Variants in ROBO2 observed in about 807,000 individuals in gnomAD.
ROBO2 encodes roundabout guidance receptor 2.
ROBO2 carries 53 observed loss-of-function variants against 160.8 expected under a neutral mutation model. The observed-to-expected ratio is 0.33, with a 90% CI of 0.26 to 0.41. The LOEUF is 0.41. Ranked by LOEUF, ROBO2 falls within the 10% of genes least tolerant of loss-of-function variation. The pLI is 1.00. For missense variants in ROBO2, 1,577 were observed against 1,722.4 expected (o/e 0.92, Z 1.49); for synonymous variants, 664 against 611.7 (o/e 1.09, Z -1.26).
At chr3:77,001,173 C>T (rs756231701) in intron 2 of ROBO2, among the ~76,000 whole-genome samples, 8 of 152,078 alleles carry the variant, frequency 5.3e-5, no homozygotes, top group Non-Finnish European at 7.3e-5. Context: ...AATCTGATAC[C>T]GTACTTTGAG....
intron 2 of ROBO2, among the ~76,000 whole-genome samples, chr3:76,931,482 A>G (rs568026861): frequency 9.2e-5 from 14 of 152,088 alleles, no homozygotes; most frequent in African/African-American, 3.4e-4. Flanking sequence ...ATGATCTTAC[A>G]TATTTAATTA....
At position 76,512,322 on chromosome 3, in the gene ROBO2, G is replaced by A. The variant is rs201218596; in HGVS notation, c.109+574720G>A. 3.2e-4 allele frequency among the ~76,000 whole-genome samples: 45 copies of A among 140,472 alleles called. 1 individual carries two copies. In the South Asian group the frequency reaches 4.0e-3, roughly 12 times the overall value. The allele number at this position is 140,472 out of a possible 152,430, so 92.2% of individuals were successfully genotyped here. On this transcript the variant is annotated intron_variant, in intron 2 of 26. Coordinates refer to the ROBO2 transcript ENST00000487694. ...GTTGCAGAAATTTATATATATATAT[G>A]TATATATATATATATAGTGTACTTT... is the stretch of plus-strand genomic sequence containing the variant.
intron 2 of ROBO2, among the ~76,000 whole-genome samples, chr3:77,103,245 A>G (rs1483163987): frequency 6.6e-6 from 1 of 152,172 alleles, no homozygotes; most frequent in African/African-American, 2.4e-5. Flanking sequence ...GTTCTGGCCT[A>G]AATGAAAATT....
intron 2 of ROBO2, among the ~76,000 whole-genome samples, chr3:76,524,677 A>G (rs1019211508): frequency 6.6e-6 from 1 of 151,602 alleles, no homozygotes; most frequent in Non-Finnish European, 1.5e-5. Context: ...CATTAAAACA[A>G]TGTATGTATT....
At chr3:77,304,810 T>A (rs889204995) in intron 2 of ROBO2, among the ~76,000 whole-genome samples, 5 of 152,232 alleles carry the variant, frequency 3.3e-5, no homozygotes, top group Non-Finnish European at 5.9e-5. Flanking sequence ...TGTATCTGTG[T>A]ATTGTGCTTA....
At chr3:77,053,712 T>A (rs1446798746) in intron 1 of ROBO2, among the ~76,000 whole-genome samples, 1 of 152,162 alleles carries the variant, frequency 6.6e-6, no homozygotes, top group Non-Finnish European at 1.5e-5. Flanking sequence ...TATACAAAAA[T>A]TTAGGCAGCA....
Position 76,073,264 on chromosome 3 carries a change from ATTCTTTTTTTTTTT to A in ROBO2, c.109+135665_109+135678del, listed in dbSNP as rs2068523412. On this transcript the variant is annotated intron_variant, in intron 2 of 26. Coordinates refer to the ROBO2 transcript ENST00000487694. ...GATTTGTAAACTTCTCAGAATGAGTATTCTTTTTTTTTTTTTTTTTTTTTTTTTTTTTTTTTTTT... is the reference window on the plus strand; with the variant it reads ...GATTTGTAAACTTCTCAGAATGAGTATTTTTTTTTTTTTTTTTTTTTTTTT... Among the ~76,000 whole-genome samples the A allele has an allele frequency of 4.8e-5, 4 of 83,438 alleles. 1 individual carries two copies. The highest frequency in any genetic ancestry group is 8.0e-5 in the Non-Finnish European group (3 of 37,434). The allele number at this position is 83,438 out of a possible 152,430, so 54.7% of individuals were successfully genotyped here. A position where few individuals can be genotyped will look rare whatever the true frequency, so the allele number is the denominator to read the frequency against.
At chr3:76,644,426 A>G (rs891084464) in intron 2 of ROBO2, among the ~76,000 whole-genome samples, 3 of 152,160 alleles carry the variant, frequency 2.0e-5, no homozygotes, top group African/African-American at 7.2e-5. Context: ...TTTTCCCTGG[A>G]ACCTCTGCCA....
chr3:77,256,398 ATTAT>A (rs1474690129), intron 2 of ROBO2, among the ~76,000 whole-genome samples: 2 of 152,206 alleles, frequency 1.3e-5, no homozygotes, highest in African/African-American at 4.8e-5. Flanking sequence ...ATTTGAGCAA[ATTAT>A]TTAACCTCTT....
At chr3:77,308,321 T>G (rs2063267982) in intron 2 of ROBO2, among the ~76,000 whole-genome samples, 1 of 152,168 alleles carries the variant, frequency 6.6e-6, no homozygotes, top group Admixed American at 6.5e-5. Flanking sequence ...ACTCACAATG[T>G]CTTCATCAGT....
At chr3:76,810,811 A>C (rs889854221) in intron 2 of ROBO2, among the ~76,000 whole-genome samples, 1 of 152,184 alleles carries the variant, frequency 6.6e-6, no homozygotes, top group African/African-American at 2.4e-5. Context: ...GTAGTAAGAG[A>C]CTGGCATTTG....
chr3:77,031,615 A>G (rs1028963156), intron 2 of ROBO2, among the ~76,000 whole-genome samples: 3 of 146,180 alleles, frequency 2.1e-5, no homozygotes, highest in African/African-American at 7.4e-5. Context: ...CACATTATTG[A>G]TATAAATTAA....
chr3:76,856,209 C>G (rs1392047708), intron 2 of ROBO2, among the ~76,000 whole-genome samples: 1 of 152,150 alleles, frequency 6.6e-6, no homozygotes, highest in African/African-American at 2.4e-5. Context: ...GATGGTTTGT[C>G]AAAGGAGTCA....
Position 75,959,387 on chromosome 3 carries a change from G to T in ROBO2, c.109+21785G>T, listed in dbSNP as rs550568938. Among the ~76,000 whole-genome samples, 204 of 151,730 alleles carry T rather than the reference G, an allele frequency of 1.3e-3. 2 individuals carry two copies. The highest frequency in any genetic ancestry group is 4.8e-3 in the African/African-American group (200 of 41,474). On this transcript the variant is annotated intron_variant, in intron 2 of 26. Transcript: ENST00000487694. ...ATATTATTAGGCATTACCTGAAAAG[G>T]ATTTCTGGAGAAAGAAAGAATTTCT... is the stretch of plus-strand genomic sequence containing the variant.
intron 25 of ROBO2, 129 bp downstream of exon 27, chr3:77,645,033 T>G: frequency 2.1e-6 from 2 of 932,738 alleles, no homozygotes; most frequent in Non-Finnish European, 3.4e-6. Context: ...CAATTGCAAT[T>G]TTCAACAAGT....
intron 2 of ROBO2, among the ~76,000 whole-genome samples, chr3:76,344,430 A>T (rs2074404747): frequency 6.6e-6 from 1 of 152,136 alleles, no homozygotes; most frequent in African/African-American, 2.4e-5. Context: ...CTTTTTTCAA[A>T]TCTACTAGTT....
chr3:76,806,422 A>G (rs770729527), intron 2 of ROBO2, among the ~76,000 whole-genome samples: 5 of 152,132 alleles, frequency 3.3e-5, no homozygotes, highest in East Asian at 1.9e-4. Flanking sequence ...TTGTATGACA[A>G]TGAAGCCTAC....
intron 16 of ROBO2, among the ~76,000 whole-genome samples, chr3:77,586,259 C>T (rs1021410808): frequency 1.3e-5 from 2 of 152,030 alleles, no homozygotes; most frequent in Admixed American, 1.3e-4. Context: ...TGTCATATAA[C>T]CAATTTACAT....
chr3:77,317,658 G>T, intron 2 of ROBO2: 6 of 202,478 alleles, frequency 3.0e-5, no homozygotes, highest in South Asian at 2.5e-4. Flanking sequence ...GGTTGCTGCT[G>T]GGGGGCTGCT....
Sources: allele counts gnomAD v4.1 joint callset (sites outside exome capture counted in the v4.1 genomes callset), GRCh38; gene constraint gnomAD v4.1.1; transcripts MANE v1.5; gene names NCBI Gene and HGNC (gene_info 2026-07-23, HGNC 2026-07-21).